The following C13orf42 variants were observed in gnomAD, a reference collection of about 807,000 sequenced individuals.
The protein encoded by C13orf42 is uncharacterized protein C13orf42.
chr13:51,086,938 C>T (rs976981037), intron 2 of C13orf42, among the ~76,000 whole-genome samples: 3 of 152,152 alleles, frequency 2.0e-5, no homozygotes, highest in African/African-American at 7.2e-5. Context: ...CCAAATCCCA[C>T]AGATACACAT....
At position 51,122,547 on chromosome 13, in the gene C13orf42, A is replaced by G. The variant is rs866401485; in HGVS notation, n.137-9325T>C. On this transcript the variant is annotated intron_variant and non_coding_transcript_variant, in intron 1 of 4. Transcript: ENST00000433280. ...AGAACTGTTCCAAAAAGAAAAAAAA[A>G]AAAAAGAAAGAAAAAAAGGAAAAGA... Among the ~76,000 whole-genome samples, 799 of 150,170 alleles carry G rather than the reference A, an allele frequency of 5.3e-3. 9 individuals are homozygous for G. The highest frequency in any genetic ancestry group is 0.018 in the African/African-American group (734 of 39,744).
chr13:51,141,582 G>T (rs1953696550), intron 1 of C13orf42, among the ~76,000 whole-genome samples: 1 of 152,118 alleles, frequency 6.6e-6, no homozygotes, highest in Non-Finnish European at 1.5e-5. Flanking sequence ...GGCGGGTCAT[G>T]AGGTCAGGAG....
At chr13:51,170,947 A>G (rs547940171) in intron 1 of C13orf42, among the ~76,000 whole-genome samples, 1 of 150,718 alleles carries the variant, frequency 6.6e-6, no homozygotes. Flanking sequence ...GCTTATTTCC[A>G]CACCCCAACC....
intron 1 of C13orf42, among the ~76,000 whole-genome samples, chr13:51,105,573 G>T (rs571291673): frequency 2.4e-4 from 37 of 152,316 alleles, no homozygotes; most frequent in African/African-American, 8.4e-4. Flanking sequence ...AATGGGTATG[G>T]TTCTTCTCAG....
chr13:51,092,740 A>G (rs2137981147), intron 1 of C13orf42, among the ~76,000 whole-genome samples: 1 of 152,204 alleles, frequency 6.6e-6, no homozygotes, highest in African/African-American at 2.4e-5. Context: ...CTTAATTTTA[A>G]TAAGCAAGTC....
chr13:51,100,171 T>TAAA (rs1292935974), intron 1 of C13orf42, among the ~76,000 whole-genome samples: 2 of 150,392 alleles, frequency 1.3e-5, no homozygotes, highest in African/African-American at 4.9e-5. Context: ...TGGTTTTTTT[T>TAAA]AAAAAAAAAG....
Position 51,082,312 on chromosome 13 carries a change from T to A in C13orf42, c.*1839A>T, listed in dbSNP as rs1953073687. ...GGAATTTTTCAGGCTGTGTATAGTC[T>A]CATGAAAGACAAAAAACATACAAAA... is the stretch of plus-strand genomic sequence containing the variant. On this transcript the variant is annotated 3_prime_UTR_variant, in exon 4 of 4. Transcript: ENST00000563710. 1 of 152,086 alleles carries A rather than the reference T, an allele frequency of 6.6e-6. No individual in the cohort carries two copies. Among genetic ancestry groups the A allele is most frequent in the Non-Finnish European group, 1.5e-5 (1 of 68,026 alleles). The allele number at this position is 152,086 out of a possible 1,614,324, so 9.4% of individuals were successfully genotyped here. A position where few individuals can be genotyped will look rare whatever the true frequency, so the allele number is the denominator to read the frequency against.
At chr13:51,096,557 T>C (rs1953236565) in intron 1 of C13orf42, among the ~76,000 whole-genome samples, 1 of 152,244 alleles carries the variant, frequency 6.6e-6, no homozygotes. Context: ...CAAGATTATT[T>C]ATTTATTTTA....
chr13:51,140,450 A>G (rs1953687624), intron 1 of C13orf42, among the ~76,000 whole-genome samples: 1 of 152,184 alleles, frequency 6.6e-6, no homozygotes, highest in African/African-American at 2.4e-5. Context: ...TTCGGGGTTC[A>G]TATTTTGGTA....
chr13:51,087,882 C>T (rs890025597), intron 2 of C13orf42, 46 bp downstream of exon 2: 2 of 398,676 alleles, frequency 5.0e-6, no homozygotes, highest in Non-Finnish European at 8.8e-6. Flanking sequence ...ATCACAGCCC[C>T]ACCCGCCTTC....
At position 51,147,496 on chromosome 13, in the gene C13orf42, G is replaced by A. The variant is rs140106353; in HGVS notation, n.136+24757C>T. Among the ~76,000 whole-genome samples, 1,147 of 152,248 alleles carry A rather than the reference G, an allele frequency of 7.5e-3. 12 individuals are homozygous for A. Among genetic ancestry groups the A allele is most frequent in the South Asian group, 0.014 (67 of 4,818 alleles). ...TGTAATCCCAGTACTTTGGGAGGCC[G>A]AGGTGGGTGGATCACCTGAGGTCAG... On this transcript the variant is annotated intron_variant and non_coding_transcript_variant, in intron 1 of 4. Transcript: ENST00000433280.
chr13:51,102,585 G>C (rs1167298655), intron 1 of C13orf42, among the ~76,000 whole-genome samples: 1 of 152,172 alleles, frequency 6.6e-6, no homozygotes, highest in African/African-American at 2.4e-5. Context: ...ATTAGATGAG[G>C]ATCAGGGAGG....
intron 1 of C13orf42, among the ~76,000 whole-genome samples, chr13:51,142,605 AAAAG>A (rs1033805517): frequency 2.0e-5 from 3 of 150,058 alleles, no homozygotes; most frequent in Non-Finnish European, 4.4e-5. Flanking sequence ...TAAAAAAAAA[AAAAG>A]AAAGAAGAAA....
intron 1 of C13orf42, among the ~76,000 whole-genome samples, chr13:51,099,702 A>G (rs1953267258): frequency 6.6e-6 from 1 of 152,114 alleles, no homozygotes; most frequent in Non-Finnish European, 1.5e-5. Flanking sequence ...TGCCGTGACC[A>G]TCGTTCACAG....
At chr13:51,107,813 C>T (rs1472305364) in intron 1 of C13orf42, among the ~76,000 whole-genome samples, 1 of 152,226 alleles carries the variant, frequency 6.6e-6, no homozygotes, top group Non-Finnish European at 1.5e-5. Flanking sequence ...AGGGGAGACG[C>T]ACATTTTAAC....
rs1277629231 is a variant in C13orf42 at position 51,088,021 on chromosome 13, C to A, written c.469G>T (p.Ala157Ser). The A allele has an allele frequency of 2.3e-5, 9 of 398,682 alleles. No individual in the cohort carries two copies. Among genetic ancestry groups the A allele is most frequent in the Non-Finnish European group, 4.0e-5 (9 of 226,136 alleles). 24.7% of individuals were successfully genotyped at this position (398,682 alleles called of 1,614,324 possible). A position where few individuals can be genotyped will look rare whatever the true frequency, so the allele number is the denominator to read the frequency against. The part of the protein sequence containing the change: ...QFSADVAEAI[A>S]FFDSIIAELD... ...TCTGCAATGATGGAGTCAAAGAAGG[C>A]AATGGCCTCGGCCACATCAGCACTG... is the stretch of plus-strand genomic sequence containing the variant. The change falls in exon 2 of 4, where the codon GCC becomes TCC. Residue 157 changes from alanine to serine, a missense_variant. Ala to Ser is a moderately conservative substitution (Grantham distance 99). Transcript: ENST00000563710.
chr13:51,162,960 G>A (rs941930592), intron 1 of C13orf42, among the ~76,000 whole-genome samples: 3 of 152,094 alleles, frequency 2.0e-5, no homozygotes, highest in African/African-American at 7.2e-5. Context: ...CTCTCCTCAC[G>A]AACAGCTTAA....
rs1330985368 is a variant in C13orf42, at chr13:51,111,230, G to A, written c.-21C>T. On this transcript the variant is annotated 5_prime_UTR_variant, in exon 1 of 4. Coordinates refer to ENST00000563710, the MANE Select transcript of C13orf42 (RefSeq NM_001351589.3). ...AACATAGTGCTCGATTTCTTTCTGT[G>A]GGTACCTTCCAGCTGCCTGTGCTGC... The A allele has an allele frequency of 2.5e-6, 1 of 398,452 alleles. No individual in the cohort carries two copies. The highest frequency in any genetic ancestry group is 4.4e-6 in the Non-Finnish European group (1 of 226,120). 24.7% of individuals were successfully genotyped at this position (398,452 alleles called of 1,614,324 possible).
At chr13:51,127,915 T>A (rs1953588858) in intron 1 of C13orf42, among the ~76,000 whole-genome samples, 1 of 152,070 alleles carries the variant, frequency 6.6e-6, no homozygotes, top group Non-Finnish European at 1.5e-5. Flanking sequence ...TCATTCTAAG[T>A]CACAGGATGA....
Sources: gnomAD v4.1 joint callset for allele counts (sites outside exome capture counted in the v4.1 genomes callset) on GRCh38, gnomAD v4.1.1 for gene constraint, MANE v1.5 for transcripts, NCBI Gene and HGNC (gene_info 2026-07-23, HGNC 2026-07-21) for gene names.